The following KDM4C variants were observed in gnomAD, a reference collection of about 807,000 sequenced individuals.
The protein encoded by KDM4C is lysine demethylase 4C.
KDM4C carries 81 observed loss-of-function variants against 129.3 expected under a neutral mutation model. That is an observed-to-expected ratio of 0.63 (90% CI 0.52 to 0.75). The LOEUF is 0.75. Ranked by LOEUF, KDM4C falls within the 30% of genes least tolerant of loss-of-function variation. The pLI, the probability that KDM4C is intolerant of heterozygous loss-of-function variation, is 0.00. For synonymous variants in KDM4C, 573 were observed against 456.1 expected (o/e 1.26, Z -3.26); for missense variants, 1,457 against 1,304.0 (o/e 1.12, Z -1.81).
At chr9:6,851,094 G>C (rs1252876173) in intron 5 of KDM4C, among the ~76,000 whole-genome samples, 2 of 152,298 alleles carry the variant, frequency 1.3e-5, no homozygotes, top group East Asian at 1.9e-4. Context: ...ACTCATACAG[G>C]CTCCAGTGAC....
chr9:7,004,341 G>C (rs1325359059), intron 12 of KDM4C, among the ~76,000 whole-genome samples: 2 of 152,160 alleles, frequency 1.3e-5, no homozygotes, highest in African/African-American at 4.8e-5. Context: ...TTTGACAGCA[G>C]TTTTTAAAAA....
At chr9:6,855,040 A>T (rs1839549800) in intron 5 of KDM4C, among the ~76,000 whole-genome samples, 1 of 152,220 alleles carries the variant, frequency 6.6e-6, no homozygotes, top group South Asian at 2.1e-4. Flanking sequence ...ACAGCTGGAG[A>T]TGTAACACAG....
chr9:6,933,001 G>A (rs1173263343), intron 8 of KDM4C, among the ~76,000 whole-genome samples: 1 of 152,150 alleles, frequency 6.6e-6, no homozygotes, highest in Non-Finnish European at 1.5e-5. Flanking sequence ...TCTTATTGCT[G>A]CTTTTTAGGT....
At chr9:6,766,452 T>G (rs1820642511) in intron 1 of KDM4C, among the ~76,000 whole-genome samples, 1 of 152,042 alleles carries the variant, frequency 6.6e-6, no homozygotes, top group Middle Eastern at 3.2e-3. Context: ...TTAGGACAGT[T>G]GGCCCCCTTT....
rs115261757 is a variant in KDM4C at position 6,873,893 on chromosome 9, C to T, written c.630-6119C>T. Among the ~76,000 whole-genome samples the T allele has an allele frequency of 6.7e-3, 1,010 of 151,182 alleles. 8 individuals carry two copies. Among genetic ancestry groups the T allele is most frequent in the African/African-American group, 0.023 (957 of 41,094 alleles). On this transcript the variant is annotated intron_variant, in intron 5 of 21. Transcript: ENST00000381309. ...GCATGGAGCTCTTCTTTTTCTTGAA[C>T]ACTTAGAGGCGAGAGAGAGAGCGAG...
intron 17 of KDM4C, among the ~76,000 whole-genome samples, chr9:7,085,186 C>G (rs931044541): frequency 6.6e-6 from 1 of 152,184 alleles, no homozygotes; most frequent in Non-Finnish European, 1.5e-5. Context: ...CATTGGAGCC[C>G]TGTGGCAGAG....
chr9:7,045,292 C>T (rs1239692161), intron 15 of KDM4C, among the ~76,000 whole-genome samples: 5 of 152,112 alleles, frequency 3.3e-5, no homozygotes, highest in South Asian at 4.1e-4. Context: ...ACATCTAATT[C>T]TCTTAGAGCC....
chr9:6,925,482 G>A (rs1310698795), intron 8 of KDM4C: 1 of 732,388 alleles, frequency 1.4e-6, no homozygotes, highest in Non-Finnish European at 1.6e-6. Context: ...TTCAAATAAG[G>A]ACATATTCTC....
intron 4 of KDM4C, among the ~76,000 whole-genome samples, chr9:6,838,602 T>G (rs1446099205): frequency 2.0e-5 from 3 of 152,232 alleles, no homozygotes; most frequent in Non-Finnish European, 4.4e-5. Flanking sequence ...TGTGGCACTT[T>G]CACTGCAGAA....
At chr9:6,981,658 T>C (rs1218946582) in intron 9 of KDM4C, among the ~76,000 whole-genome samples, 2 of 152,220 alleles carry the variant, frequency 1.3e-5, no homozygotes, top group African/African-American at 4.8e-5. Flanking sequence ...CTCCATTCCA[T>C]CTTTGTGGCC....
rs973588157 is a variant in KDM4C at position 6,986,416 on chromosome 9, G to C, written c.1427G>C (p.Ser476Thr). 2 of 1,613,978 alleles carry C rather than the reference G, an allele frequency of 1.2e-6. No homozygotes were observed. The highest frequency in any genetic ancestry group is 2.2e-5 in the South Asian group (2 of 91,072). Residue 476 changes from serine (S) to threonine (T), a missense_variant, in exon 11 of 22, where the codon AGT becomes ACT. Transcript: ENST00000381309. Reference protein sequence around the residue: ...TEDDKAYAYRSVPSISSEADD... With the variant: ...TEDDKAYAYRTVPSISSEADD... ...GATGACAAAGCTTATGCATATAGAA[G>C]TGTACCTTCTATATCCAGTGAGGCT...
intron 18 of KDM4C, among the ~76,000 whole-genome samples, chr9:7,116,703 G>T (rs1286061997): frequency 6.6e-6 from 1 of 152,176 alleles, no homozygotes; most frequent in Non-Finnish European, 1.5e-5. Context: ...CACTCCTGCC[G>T]TGGATGTGAT....
At chr9:6,955,016 G>A (rs1174269295) in intron 8 of KDM4C, among the ~76,000 whole-genome samples, 1 of 152,206 alleles carries the variant, frequency 6.6e-6, no homozygotes, top group Admixed American at 6.5e-5. Flanking sequence ...GTTTGCTAAC[G>A]TGAACAATGA....
chr9:7,171,724 A>C (rs1280018149), intron 21 of KDM4C, among the ~76,000 whole-genome samples: 1 of 152,190 alleles, frequency 6.6e-6, no homozygotes, highest in Non-Finnish European at 1.5e-5. Flanking sequence ...CTCAGATACC[A>C]GGATGCCTTC....
intron 17 of KDM4C, among the ~76,000 whole-genome samples, chr9:7,090,870 T>TA (rs1835711506): frequency 6.6e-6 from 1 of 152,232 alleles, no homozygotes; most frequent in East Asian, 1.9e-4. Context: ...AATCCATTGT[T>TA]ATGATTTCTC....
In KDM4C at chr9:7,068,389, A is replaced by G. The variant is rs539486899; in HGVS notation, c.2424+19189A>G. On this transcript the variant is annotated intron_variant, in intron 17 of 21. Transcript: ENST00000381309. Reference sequence around the variant, plus strand: ...TCAAAGCTTTTATGTATACAATTTGATCACCTCAATTTTACTAAAGGTAGT... The same window carrying G: ...TCAAAGCTTTTATGTATACAATTTGGTCACCTCAATTTTACTAAAGGTAGT... Among the ~76,000 whole-genome samples the G allele has an allele frequency of 7.1e-4, 108 of 152,296 alleles. 1 individual carries two copies. The highest frequency in any genetic ancestry group is 2.5e-3 in the African/African-American group (104 of 41,576).
intron 15 of KDM4C, among the ~76,000 whole-genome samples, chr9:7,019,402 C>T (rs1034529397): frequency 9.2e-5 from 14 of 152,088 alleles, no homozygotes; most frequent in African/African-American, 2.4e-4. Context: ...GATGATATTT[C>T]ATTGGTGGCT....
intron 1 of KDM4C, chr9:6,734,749 A>G (rs541350312): frequency 3.6e-5 from 13 of 360,530 alleles, no homozygotes; most frequent in African/African-American, 1.1e-4. Context: ...TGTGACTTGT[A>G]TATAAGCCTC....
chr9:6,804,618 C>T (rs1050125899), intron 2 of KDM4C, among the ~76,000 whole-genome samples: 4 of 151,778 alleles, frequency 2.6e-5, no homozygotes, highest in African/African-American at 7.3e-5. Flanking sequence ...ATTAGCTGGG[C>T]GTGGTGGCAG....
Sources: gnomAD v4.1 joint callset for allele counts (sites outside exome capture counted in the v4.1 genomes callset) on GRCh38, gnomAD v4.1.1 for gene constraint, MANE v1.5 for transcripts, NCBI Gene and HGNC (gene_info 2026-07-23, HGNC 2026-07-21) for gene names.